Variants in ARMCX4 observed in about 807,000 individuals in gnomAD.
The protein encoded by ARMCX4 is armadillo repeat containing X-linked 4.
A neutral mutation model predicts 34.7 loss-of-function variants in ARMCX4; 3 were observed. The ratio of observed to expected loss-of-function variants is 0.09; its 90% confidence interval spans 0.04 to 0.22. The LOEUF (loss-of-function observed/expected upper bound fraction) is 0.22. ARMCX4 is among the 10% of genes least tolerant of loss of function. The probability of loss-of-function intolerance (pLI) is 1.00; values close to 1 mark genes in which losing one functional copy is unlikely to be tolerated. For synonymous variants in ARMCX4, 513 were observed against 632.8 expected (o/e 0.81, Z 2.84); for missense variants, 1,448 against 1,720.8 (o/e 0.84, Z 2.81).
Position 101,490,545 on chromosome X carries a change from C to T in ARMCX4, c.1956C>T (p.Pro652=), listed in dbSNP as rs781999467. 1.7e-6 allele frequency: 2 copies of T among 1,155,811 alleles called. No homozygotes were observed. The change falls in exon 6 of 6, where the codon CCC becomes CCT. Residue 652 remains proline, a synonymous_variant. Coordinates refer to ENST00000423738, the MANE Select transcript of ARMCX4 (RefSeq NM_001256155.3). The part of the protein sequence containing the change: ...LGTKNKVKGN[P]NVVLKAEVGE... Reference sequence around the variant, plus strand: ...CCAAGAATAAAGTTAAGGGTAATCCCAATGTTGTGCTTAAGGCAGAAGTTG... The same window carrying T: ...CCAAGAATAAAGTTAAGGGTAATCCTAATGTTGTGCTTAAGGCAGAAGTTG...
rs180745780 is a variant in ARMCX4, at chrX:101,431,625, G to A, written n.165-12427G>A. Among the ~76,000 whole-genome samples the A allele has an allele frequency of 4.6e-3, 516 of 111,174 alleles. 2 individuals are homozygous for A. Among genetic ancestry groups the A allele is most frequent in the African/African-American group, 0.016 (488 of 30,606 alleles). On this transcript the variant is annotated intron_variant and non_coding_transcript_variant, in intron 2 of 3. Transcript: ENST00000430461. ...GTGGCACAATCTCGGCTCCCTGCAA[G>A]CTCTGCCTTCCGGGTTCATGCCATT...
rs373311996 is a variant in ARMCX4, at chrX:101,425,835, T to A, written n.164+6835T>A. Among the ~76,000 whole-genome samples, 16 of 111,238 alleles carry A rather than the reference T, an allele frequency of 1.4e-4. 1 individual carries two copies. The Middle Eastern group carries it at 0.019, about 129-fold the overall frequency. ...TTTCAAATTATTTATTTATTTATTT[T>A]TTTGAGACAGGGTCTCACGCTGTTG... is the stretch of plus-strand genomic sequence containing the variant. On this transcript the variant is annotated intron_variant and non_coding_transcript_variant, in intron 2 of 3. Transcript: ENST00000430461.
intron 8 of ARMCX4, among the ~76,000 whole-genome samples, chrX:101,507,528 T>C (rs1556015461): frequency 9.0e-6 from 1 of 111,654 alleles, no homozygotes; most frequent in African/African-American, 3.3e-5. Context: ...TGTACAGCTA[T>C]TGTCCTAGAA....
chrX:101,425,808 C>G (rs1039394582), intron 2 of ARMCX4, among the ~76,000 whole-genome samples: 1 of 110,521 alleles, frequency 9.0e-6, no homozygotes, highest in Admixed American at 9.7e-5. Context: ...TCAAGAGAGG[C>G]CTTTCAAATT....
chrX:101,452,831 T>C (rs907489729), downstream of ARMCX4, among the ~76,000 whole-genome samples: 3 of 108,197 alleles, frequency 2.8e-5, no homozygotes, highest in East Asian at 8.6e-4. Flanking sequence ...GCTGGAATTA[T>C]AGATATGAGC....
rs1364202829 is a variant in ARMCX4, at chrX:101,495,602, A to G, written c.*140A>G. The stretch of plus-strand genomic sequence containing the variant: ...TAGCTGGACCATTTTATGAACACCA[A>G]ATGAATTCAAGCTTGTACTAAAAAT... On this transcript the variant is annotated 3_prime_UTR_variant, in exon 6 of 6. Transcript: ENST00000423738. 5 of 532,723 alleles carry G rather than the reference A, an allele frequency of 9.4e-6. No individual in the cohort carries two copies. In the African/African-American group the frequency reaches 9.4e-5, roughly 10 times the overall value. 43.9% of individuals were successfully genotyped at this position (532,723 alleles called of 1,213,427 possible).
chrX:101,446,857 G>A (rs192784184), downstream of ARMCX4, among the ~76,000 whole-genome samples: 328 of 110,896 alleles, frequency 3.0e-3, no homozygotes, highest in African/African-American at 9.2e-3. Context: ...GTGAGGCTGA[G>A]GTAGAAGAAT....
intron 11 of ARMCX4, among the ~76,000 whole-genome samples, chrX:101,523,780 G>A (rs1276852445): frequency 9.0e-6 from 1 of 111,611 alleles, no homozygotes; most frequent in Non-Finnish European, 1.9e-5. Context: ...GTAAATACAA[G>A]ACAATATAAA....
At chrX:101,512,660 G>A (rs1157721224) in intron 11 of ARMCX4, among the ~76,000 whole-genome samples, 5 of 108,900 alleles carry the variant, frequency 4.6e-5, no homozygotes, top group African/African-American at 1.7e-4. Context: ...ATTTTAATGA[G>A]ATTTCAAGAT....
chrX:101,454,616 A>G (rs1437822856), intron 4 of ARMCX4, among the ~76,000 whole-genome samples: 1 of 110,814 alleles, frequency 9.0e-6, no homozygotes, highest in Non-Finnish European at 1.9e-5. Context: ...TACTATCTTG[A>G]TGTCACTGAA....
chrX:101,471,657 T>TGACCCC (rs1932910816), intron 4 of ARMCX4, among the ~76,000 whole-genome samples: 1 of 110,363 alleles, frequency 9.1e-6, no homozygotes, highest in Admixed American at 9.7e-5. Flanking sequence ...CCCCTGACCC[T>TGACCCC]GGAGCAGCCT....
intron 12 of ARMCX4, chrX:101,532,841 T>TAATTGTTATA (rs2147730728): frequency 9.0e-6 from 1 of 111,731 alleles, no homozygotes; most frequent in East Asian, 2.8e-4. Flanking sequence ...ATACTTGAGA[T>TAATTGTTATA]AATTGTTATA....
intron 11 of ARMCX4, among the ~76,000 whole-genome samples, chrX:101,526,865 T>C (rs1451081904): frequency 9.0e-6 from 1 of 111,111 alleles, no homozygotes; most frequent in Non-Finnish European, 1.9e-5. Context: ...AGACTTAGAC[T>C]CACACACAAT....
In ARMCX4 at chrX:101,429,939, C is replaced by T. The variant is rs782768620; in HGVS notation, n.164+10939C>T. Among the ~76,000 whole-genome samples the T allele has an allele frequency of 2.6e-4, 29 of 111,154 alleles. 1 individual carries two copies. Among genetic ancestry groups the T allele is most frequent in the African/African-American group, 9.5e-4 (29 of 30,599 alleles). On this transcript the variant is annotated intron_variant and non_coding_transcript_variant, in intron 2 of 3. Coordinates refer to the ARMCX4 transcript ENST00000430461. Reference sequence around the variant, plus strand: ...TTTTTTATTGGCTTCCACGACATTCCTGGGTGGTTGGTTTGAGACAGCTAG... The same window carrying T: ...TTTTTTATTGGCTTCCACGACATTCTTGGGTGGTTGGTTTGAGACAGCTAG...
chrX:101,490,233 A>T lies in ARMCX4; in HGVS notation c.1644A>T (p.Thr548=). 1 of 1,155,282 alleles carries T rather than the reference A, an allele frequency of 8.7e-7. No homozygotes were observed. The highest frequency in any genetic ancestry group is 1.8e-5 in the African/African-American group (1 of 56,099). Residue 548 remains threonine (T), a synonymous_variant, in exon 6 of 6, where the codon ACA becomes ACT. Transcript: ENST00000423738. ...TGPGMDMKTC[T]QPQAGVKTPA... ...CTGGGATGGACATGAAAACCTGTACACAACCTCAGGCTGGGGTCAAGACCC... is the reference window on the plus strand; with the variant it reads ...CTGGGATGGACATGAAAACCTGTACTCAACCTCAGGCTGGGGTCAAGACCC...
chrX:101,490,236 A>G lies in ARMCX4; in HGVS notation c.1647A>G (p.Gln549=). ...GGATGGACATGAAAACCTGTACACA[A>G]CCTCAGGCTGGGGTCAAGACCCCAG... ...GPGMDMKTCT[Q]PQAGVKTPAE... The change falls in exon 6 of 6, where the codon CAA becomes CAG. Residue 549 remains glutamine, a synonymous_variant. Transcript: ENST00000423738. 1 of 1,154,462 alleles carries G rather than the reference A, an allele frequency of 8.7e-7. No individual in the cohort carries two copies. The highest frequency in any genetic ancestry group is 1.1e-6 in the Non-Finnish European group (1 of 872,513).
exon 2 of ARMCX4, chrX:101,418,984 G>T (rs1001621237): frequency 1.8e-5 from 2 of 109,305 alleles, no homozygotes; most frequent in African/African-American, 3.3e-5. Flanking sequence ...ACTTCAAAAA[G>T]TTCTGAAAAC....
chrX:101,487,512 C>T, intron 3 of ARMCX4, 96 bp from the exon 4 acceptor site: 1 of 346,856 alleles, frequency 2.9e-6, no homozygotes, highest in African/African-American at 2.6e-5. Context: ...AACCTGGGCT[C>T]TGGCGAGGCA....
chrX:101,427,255 A>G (rs1555991155), intron 2 of ARMCX4, among the ~76,000 whole-genome samples: 1 of 112,318 alleles, frequency 8.9e-6, no homozygotes, highest in African/African-American at 3.2e-5. Context: ...ATTTTGTGTT[A>G]CTATAACAGA....
Sources: gnomAD v4.1 joint callset for allele counts (sites outside exome capture counted in the v4.1 genomes callset) on GRCh38, gnomAD v4.1.1 for gene constraint, MANE v1.5 for transcripts, NCBI Gene and HGNC (gene_info 2026-07-23, HGNC 2026-07-21) for gene names.